PCSK7: variants seen among roughly 807,000 people sequenced by gnomAD.
The protein encoded by PCSK7 is proprotein convertase subtilisin/kexin type 7, also known as lymphoma proprotein convertase.
In PCSK7, 38 loss-of-function variants were observed where a neutral mutation model predicts 73.3. That is an observed-to-expected ratio of 0.52 (90% confidence interval 0.40 to 0.68). The LOEUF is 0.68. Among genes scored for constraint, PCSK7 ranks in the 30% least tolerant of loss-of-function variants. The pLI, the probability that PCSK7 is intolerant of heterozygous loss-of-function variation, is 0.00. For missense variants in PCSK7, 692 were observed against 991.5 expected (o/e 0.70, Z 4.06); for synonymous variants, 296 against 383.8 (o/e 0.77, Z 2.68).
chr11:117,224,329 G>T, intron 7 of PCSK7, 113 bp from the exon 8 acceptor site: 1 of 1,047,874 alleles, frequency 9.5e-7, no homozygotes, highest in Non-Finnish European at 1.4e-6. Context: ...AAAGTTCAAA[G>T]GGCACTGGGC....
At chr11:117,228,177 G>C in intron 4 of PCSK7, 39 bp downstream of exon 4, 3 of 1,602,512 alleles carry the variant, frequency 1.9e-6, no homozygotes, top group Non-Finnish European at 2.6e-6. Flanking sequence ...AAGGAGGTAA[G>C]ACGTGGGGAG....
At position 117,225,965 on chromosome 11, in the gene PCSK7, T is replaced by C; in HGVS notation, c.826A>G (p.Lys276Glu). ...TAGATGTCATTGATCTGATAGTGCT[T>C]GTTGAACGCCACTGCCTCCATGCTG... The part of the protein sequence containing the change: ...TDSMEAVAFN[K>E]HYQINDIYSC... The change falls in exon 6 of 17, where the codon AAG becomes GAG. Residue 276 changes from lysine to glutamate, a missense_variant. Physicochemically the swap from Lys to Glu is moderately conservative, Grantham distance 56 (BLOSUM62 1). This residue lies in a region of PCSK7 where 574 missense variants were observed against 689.8 expected (regional missense o/e 0.83). Coordinates refer to ENST00000320934, the MANE Select transcript of PCSK7 (RefSeq NM_004716.4). 6 of 1,612,286 alleles carry C rather than the reference T, an allele frequency of 3.7e-6. No individual in the cohort carries two copies. Among genetic ancestry groups the C allele is most frequent in the Non-Finnish European group, 4.2e-6 (5 of 1,178,328 alleles).
At chr11:117,210,044 AG>A (rs1163110837) in intron 12 of PCSK7, 1 of 130,136 alleles carries the variant, frequency 7.7e-6, no homozygotes, top group Non-Finnish European at 1.7e-5. Flanking sequence ...TTGTGGTGGT[AG>A]TTATGCAAGG....
intron 9 of PCSK7, chr11:117,222,458 C>T (rs899883622): frequency 6.6e-6 from 1 of 152,192 alleles, no homozygotes; most frequent in African/African-American, 2.4e-5. Flanking sequence ...GACTAGCTTT[C>T]CTCCTGAAGA....
chr11:117,204,528 C>T lies in PCSK7; in HGVS notation c.*1469G>A. ...ACCTGGGCAGCTCCTCCCTGTGCCCCCAGCCTCAGCCCAACTTCTTACCCG... is the reference window on the plus strand; with the variant it reads ...ACCTGGGCAGCTCCTCCCTGTGCCCTCAGCCTCAGCCCAACTTCTTACCCG... On this transcript the variant is annotated 3_prime_UTR_variant, in exon 17 of 17. Coordinates refer to ENST00000320934, the MANE Select transcript of PCSK7 (RefSeq NM_004716.4). The T allele has an allele frequency of 9.9e-7, 1 of 1,009,962 alleles. No individual in the cohort carries two copies. Among genetic ancestry groups the T allele is most frequent in the South Asian group, 1.4e-5 (1 of 72,828 alleles). The allele number at this position is 1,009,962 out of a possible 1,614,324, so 62.6% of individuals were successfully genotyped here. A position where few individuals can be genotyped will look rare whatever the true frequency, so the allele number is the denominator to read the frequency against.
intron 12 of PCSK7, chr11:117,213,389 G>T (rs1215018000): frequency 2.0e-5 from 3 of 152,156 alleles, no homozygotes; most frequent in African/African-American, 4.8e-5. Flanking sequence ...TCAAGTTTGG[G>T]GGCCTAGGGA....
At chr11:117,220,286 A>C (rs2032140226) in intron 9 of PCSK7, 1 of 152,264 alleles carries the variant, frequency 6.6e-6, no homozygotes, top group African/African-American at 2.4e-5. Flanking sequence ...CTTGTCGCCT[A>C]GGCTGGAGTG....
At position 117,227,139 on chromosome 11, in the gene PCSK7, GCT is replaced by G; in HGVS notation, c.769+16_769+17del. ...CACAGGAGCAGCCTACCAAGGCTAG[GCT>G]GGAGGCACAAGTTACCTGCGATGCG... is the stretch of plus-strand genomic sequence containing the variant. On this transcript the variant is annotated intron_variant, in intron 5 of 16. Coordinates refer to ENST00000320934, the MANE Select transcript of PCSK7 (RefSeq NM_004716.4). The G allele has an allele frequency of 6.3e-7, 1 of 1,587,332 alleles. No homozygotes were observed. The highest frequency in any genetic ancestry group is 8.6e-7 in the Non-Finnish European group (1 of 1,166,414).
chr11:117,231,864 A>T (rs1200359282), intron 1 of PCSK7, 163 bp downstream of exon 1: 1 of 152,354 alleles, frequency 6.6e-6, no homozygotes, highest in Non-Finnish European at 1.5e-5. Context: ...TAGCACCCAC[A>T]TTATCCAGGA....
At chr11:117,219,970 C>G (rs758802050) in intron 9 of PCSK7, 7 of 419,712 alleles carry the variant, frequency 1.7e-5, no homozygotes, top group Admixed American at 4.5e-5. Context: ...AAAAAAGAAG[C>G]TAGAGACTGA....
At position 117,218,434 on chromosome 11, in the gene PCSK7, T is replaced by C. The variant is rs774074781; in HGVS notation, c.1534+32A>G. 4.7e-6 allele frequency: 6 copies of C among 1,271,378 alleles called. No homozygotes were observed. In the East Asian group the frequency reaches 1.3e-4, roughly 27 times the overall value. The allele number at this position is 1,271,378 out of a possible 1,614,324, so 78.8% of individuals were successfully genotyped here. On this transcript the variant is annotated intron_variant, in intron 12 of 16. Transcript: ENST00000320934. This position sits in a 1 kb window ranked among gnomAD's most constrained non-coding sequence, Gnocchi z 4.0. The stretch of plus-strand genomic sequence containing the variant: ...GTCACCCGGCCCCAAACCTCAGGCC[T>C]AAGATTAACCCCCTTTGTGCTGATT...
intron 3 of PCSK7, 84 bp downstream of exon 3, chr11:117,229,293 G>C (rs1057089748): frequency 4.1e-5 from 42 of 1,034,418 alleles, no homozygotes; most frequent in Non-Finnish European, 5.5e-5. Context: ...GGAGGTGACT[G>C]AAGAGTGATA....
Position 117,206,070 on chromosome 11 carries a change from T to G in PCSK7, c.2285A>C (p.Gln762Pro), listed in dbSNP as rs1296649292. 4.7e-6 allele frequency: 7 copies of G among 1,498,952 alleles called. No individual in the cohort carries two copies. In the African/African-American group the frequency reaches 8.5e-5, roughly 18 times the overall value. The allele number at this position is 1,498,952 out of a possible 1,614,324, so 92.9% of individuals were successfully genotyped here. ...AGGGCAGTCCAGGGCGCTCTTGTTC[T>G]GGGACAGGCTCCAGTCCCCTTGCTC... ...LLEQGDWSLSQNKSALDCPHQ... is the reference protein window; with the variant it reads ...LLEQGDWSLSPNKSALDCPHQ... The change falls in exon 17 of 17, where the codon CAG becomes CCG. Residue 762 changes from glutamine to proline, a missense_variant. Physicochemically the swap from Gln to Pro is moderately conservative, Grantham distance 76. Around this residue, in one of 6 missense-constraint regions of PCSK7, gnomAD observed 10 missense variants for 44.0 expected, o/e 0.23. Coordinates refer to ENST00000320934, the MANE Select transcript of PCSK7 (RefSeq NM_004716.4).
intron 1 of PCSK7, among the ~76,000 whole-genome samples, chr11:117,230,900 G>T (rs573180368): frequency 2.0e-5 from 3 of 152,030 alleles, no homozygotes; most frequent in Admixed American, 6.6e-5. Context: ...AAGGACAAGC[G>T]GGCAACCAGG....
intron 15 of PCSK7, 35 bp downstream of exon 15, chr11:117,207,028 GTGAC>G: frequency 6.5e-7 from 1 of 1,531,764 alleles, no homozygotes; most frequent in South Asian, 1.1e-5. Flanking sequence ...CCCTTCCCCT[GTGAC>G]TGGCCTTCCC....
At chr11:117,219,509 A>T (rs45577233) in intron 10 of PCSK7, 82 bp downstream of exon 10, 32,263 of 1,278,990 alleles carry the variant, frequency 0.025, 534 homozygotes, top group Non-Finnish European at 0.027. Flanking sequence ...AACATTTGGG[A>T]CATTGAGAAT....
At chr11:117,206,917 G>C (rs2031445282) in intron 15 of PCSK7, 119 bp from the exon 16 acceptor site, 1 of 846,700 alleles carries the variant, frequency 1.2e-6, no homozygotes, top group Non-Finnish European at 2.0e-6. Context: ...AAAAGGAGAG[G>C]CCCAGACTGT....
At chr11:117,227,116 C>T in intron 5 of PCSK7, 41 bp downstream of exon 5, 1 of 1,530,628 alleles carries the variant, frequency 6.5e-7, no homozygotes, top group South Asian at 1.2e-5. Context: ...ACTGTGGTCA[C>T]AGGAGCAGCC....
rs755846923 is a variant in PCSK7, at chr11:117,225,461, C to A, written c.860+470G>T. The A allele has an allele frequency of 1.9e-4, 33 of 174,592 alleles. 1 individual carries two copies. The highest frequency in any genetic ancestry group is 5.0e-4 in the Admixed American group (9 of 18,150). The allele number at this position is 174,592 out of a possible 1,614,324, so 10.8% of individuals were successfully genotyped here. On this transcript the variant is annotated intron_variant, in intron 6 of 16. Transcript: ENST00000320934. ...TATTCTGTCTCTATCGGGAAGTGTA[C>A]CCTGTGGATGATGTCATGGATTTAA...
Sources: gnomAD v4.1 joint callset for allele counts (sites outside exome capture counted in the v4.1 genomes callset) on GRCh38, gnomAD v4.1.1 for gene constraint, gnomAD v4.1.1 regional missense constraint, Gnocchi (gnomAD v3.1) non-coding constraint, MANE v1.5 for transcripts, NCBI Gene and HGNC (gene_info 2026-07-23, HGNC 2026-07-21) for gene names.